EVL: variants seen among roughly 807,000 people sequenced by gnomAD.
The protein encoded by EVL is Enah/Vasp-like.
Under a neutral mutation model 59.6 loss-of-function variants are expected in EVL, and 21 were observed. That is an observed-to-expected ratio of 0.35 (90% CI 0.25 to 0.51). EVL has a LOEUF of 0.51. EVL is among the 20% of genes least tolerant of loss of function. The probability of loss-of-function intolerance (pLI) is 0.97; values close to 1 mark genes in which losing one functional copy is unlikely to be tolerated. For missense variants in EVL, 462 were observed against 546.6 expected, an observed-to-expected ratio of 0.85 and a Z score of 1.54; for synonymous variants, 198 against 203.5, an observed-to-expected ratio of 0.97 and a Z score of 0.23.
intron 8 of EVL, among the ~76,000 whole-genome samples, chr14:100,133,713 G>A (rs907610335): frequency 2.0e-5 from 3 of 152,124 alleles, no homozygotes; most frequent in South Asian, 2.1e-4. Flanking sequence ...CGAGGCAGAC[G>A]GATCACCTGA....
intron 1 of EVL, among the ~76,000 whole-genome samples, chr14:100,028,064 G>GAT (rs2061244517): frequency 2.0e-5 from 3 of 151,522 alleles, no homozygotes; most frequent in Admixed American, 1.3e-4. Context: ...CTTTCTTTTG[G>GAT]ATATATATTT....
intron 3 of EVL, among the ~76,000 whole-genome samples, chr14:100,105,449 G>T (rs547752530): frequency 1.3e-5 from 2 of 151,964 alleles, no homozygotes; most frequent in African/African-American, 4.8e-5. Flanking sequence ...TGACATTTTC[G>T]AGCCTCAGTA....
chr14:99,978,343 A>G (rs1275580639), intron 1 of EVL, among the ~76,000 whole-genome samples: 3 of 151,596 alleles, frequency 2.0e-5, no homozygotes, highest in East Asian at 1.9e-4. Context: ...CGGAGCTTGC[A>G]GTGAGCCGAG....
chr14:99,995,403 T>G lies in EVL; in HGVS notation c.5+23346T>G, dbSNP rs747884568. ...TTCGGTGGTTCTGTCCTCTGCCTAGTTAAGTGCTTTTGAACCCCTCTAGTT... is the reference window on the plus strand; with the variant it reads ...TTCGGTGGTTCTGTCCTCTGCCTAGGTAAGTGCTTTTGAACCCCTCTAGTT... On this transcript the variant is annotated intron_variant, in intron 1 of 13. Transcript: ENST00000402714. 7.9e-5 allele frequency among the ~76,000 whole-genome samples: 12 copies of G among 152,208 alleles called. 1 individual carries two copies. Among genetic ancestry groups the G allele is most frequent in the Non-Finnish European group, 5.9e-5 (4 of 68,034 alleles).
chr14:100,024,851 G>A (rs890539167), intron 1 of EVL, among the ~76,000 whole-genome samples: 1 of 151,960 alleles, frequency 6.6e-6, no homozygotes, highest in South Asian at 2.1e-4. Context: ...TCAGTCTTCC[G>A]CAGCCCAGTC....
Position 100,128,674 on chromosome 14 carries a change from T to C in EVL, c.643T>C (p.Ser215Pro), listed in dbSNP as rs1443955592. 2 of 1,477,542 alleles carry C rather than the reference T, an allele frequency of 1.4e-6. No individual in the cohort carries two copies. The highest frequency in any genetic ancestry group is 1.8e-6 in the Non-Finnish European group (2 of 1,104,872). The allele number at this position is 1,477,542 out of a possible 1,614,324, so 91.5% of individuals were successfully genotyped here. The change falls in exon 6 of 14, where the codon TCC becomes CCC. Residue 215 changes from serine (S) to proline (P), a missense_variant. Transcript: ENST00000392920. Reference sequence around the variant, plus strand: ...ACTGCCAGCCGGAGGAGCCCAGGGGTCCAGCCACGACGAGAGCTCCATGTC... The same window carrying C: ...ACTGCCAGCCGGAGGAGCCCAGGGGCCCAGCCACGACGAGAGCTCCATGTC... The part of the protein sequence containing the change: ...PPLPAGGAQG[S>P]SHDESSMSGL...
At chr14:100,086,222 C>T (rs938328413) in intron 2 of EVL, among the ~76,000 whole-genome samples, 1 of 152,214 alleles carries the variant, frequency 6.6e-6, no homozygotes, top group Non-Finnish European at 1.5e-5. Context: ...AAATGTCTTT[C>T]TAGAAACCTT....
chr14:100,047,847 G>A (rs1219062199), intron 1 of EVL, among the ~76,000 whole-genome samples: 1 of 152,076 alleles, frequency 6.6e-6, no homozygotes, highest in African/African-American at 2.4e-5. Context: ...GTTTGACAAA[G>A]GTAAAAAGTC....
At chr14:100,107,294 G>A (rs746441721) in intron 3 of EVL, 3 of 398,514 alleles carry the variant, frequency 7.5e-6, no homozygotes, top group Non-Finnish European at 1.3e-5. Flanking sequence ...GATGGCACTC[G>A]ACCACATAGT....
chr14:100,116,912 G>A (rs1280156752), intron 3 of EVL, among the ~76,000 whole-genome samples: 1 of 152,230 alleles, frequency 6.6e-6, no homozygotes, highest in African/African-American at 2.4e-5. Context: ...AGAGGAGAGA[G>A]ACTCCCACAC....
At chr14:100,138,428 C>T (rs760719837) in intron 11 of EVL, 8 of 153,598 alleles carry the variant, frequency 5.2e-5, no homozygotes, top group Non-Finnish European at 1.0e-4. Flanking sequence ...CAGAGGCAGC[C>T]AGCCACATAG....
chr14:99,974,577 G>A (rs149608512), intron 1 of EVL: 4 of 152,718 alleles, frequency 2.6e-5, no homozygotes, highest in East Asian at 1.9e-4. Flanking sequence ...TGGGCACAGA[G>A]ATCAAGATGA....
intron 1 of EVL, among the ~76,000 whole-genome samples, chr14:100,010,245 A>G (rs1359003681): frequency 6.6e-6 from 1 of 152,192 alleles, no homozygotes; most frequent in Non-Finnish European, 1.5e-5. Flanking sequence ...AGTCACTCAG[A>G]TTGGAAAGTA....
rs180718447 is a variant in EVL, at chr14:100,137,482, A to G, written c.965-96A>G. On this transcript the variant is annotated intron_variant, in intron 9 of 13. Coordinates refer to ENST00000392920, the MANE Select transcript of EVL (RefSeq NM_016337.3). ...TGCCACGGGGCTCTGCACCCTTGGC[A>G]TGGGTGAGGGCTTCCTGTTGGGGTG... is the stretch of plus-strand genomic sequence containing the variant. The G allele has an allele frequency of 3.0e-6, 4 of 1,336,768 alleles. No homozygotes were observed. The African/African-American group carries it at 4.3e-5, about 14-fold the overall frequency. The allele number at this position is 1,336,768 out of a possible 1,614,324, so 82.8% of individuals were successfully genotyped here.
At chr14:100,062,852 G>C (rs1012841118), upstream of EVL, among the ~76,000 whole-genome samples, 9 of 152,190 alleles carry the variant, frequency 5.9e-5, no homozygotes, top group African/African-American at 2.2e-4. Flanking sequence ...CTAGCACTTT[G>C]GGGGCCAAGG....
chr14:100,142,018 G>A (rs190201319), intron 13 of EVL: 221 of 435,970 alleles, frequency 5.1e-4, no homozygotes, highest in African/African-American at 4.0e-3. Context: ...CATGACACCC[G>A]AATCTGACCT....
intron 1 of EVL, among the ~76,000 whole-genome samples, chr14:100,005,166 G>C (rs1388294773): frequency 6.6e-6 from 1 of 152,148 alleles, no homozygotes; most frequent in African/African-American, 2.4e-5. Context: ...CTTGTTCATT[G>C]CTGAGCATAG....
At chr14:100,080,930 G>A (rs899341041) in intron 1 of EVL, among the ~76,000 whole-genome samples, 1 of 152,172 alleles carries the variant, frequency 6.6e-6, no homozygotes, top group Non-Finnish European at 1.5e-5. Flanking sequence ...TTTTTAAAAA[G>A]TTCATTCATT....
intron 1 of EVL, chr14:100,019,275 CCT>C (rs2061080408): frequency 5.2e-6 from 1 of 191,760 alleles, no homozygotes; most frequent in Non-Finnish European, 1.1e-5. Context: ...AGCCTTCTCT[CCT>C]CTCTCCCCAA....
Sources: allele counts gnomAD v4.1 joint callset (sites outside exome capture counted in the v4.1 genomes callset), GRCh38; gene constraint gnomAD v4.1.1; transcripts MANE v1.5; gene names NCBI Gene and HGNC (gene_info 2026-07-23, HGNC 2026-07-21).